The following CRLS1 variants were observed in gnomAD, a reference collection of about 807,000 sequenced individuals.
CRLS1 encodes the protein cardiolipin synthase 1.
Under a neutral mutation model 37.0 loss-of-function variants are expected in CRLS1, and 24 were observed. That is an observed-to-expected ratio of 0.65 (90% CI 0.47 to 0.91). The LOEUF (loss-of-function observed/expected upper bound fraction) is 0.91. CRLS1 is among the 40% of genes least tolerant of loss of function. The probability of loss-of-function intolerance (pLI) is 0.00; values close to 1 mark genes in which losing one functional copy is unlikely to be tolerated. For synonymous variants in CRLS1, 135 were observed against 159.7 expected, an observed-to-expected ratio of 0.85 and a Z score of 1.17; for missense variants, 373 against 395.8, an observed-to-expected ratio of 0.94 and a Z score of 0.49.
intron 6 of CRLS1, among the ~76,000 whole-genome samples, chr20:6,036,849 C>T (rs1445395212): frequency 6.6e-6 from 1 of 152,128 alleles, no homozygotes; most frequent in Non-Finnish European, 1.5e-5. Context: ...TTGTAGGGCT[C>T]ATTATCTAGA....
intron 5 of CRLS1, among the ~76,000 whole-genome samples, chr20:6,033,598 C>G (rs977887592): frequency 3.5e-4 from 53 of 152,244 alleles, no homozygotes; most frequent in African/African-American, 1.2e-3. Flanking sequence ...ATTTCTTGTT[C>G]TATTTTCTTT....
intron 3 of CRLS1, among the ~76,000 whole-genome samples, chr20:6,029,060 A>G (rs1187714936): frequency 6.6e-6 from 1 of 152,172 alleles, no homozygotes; most frequent in African/African-American, 2.4e-5. Flanking sequence ...AGTCACCCAG[A>G]GGAGAGCTTT....
At chr20:6,021,816 C>G (rs1420331967) in intron 3 of CRLS1, among the ~76,000 whole-genome samples, 1 of 152,064 alleles carries the variant, frequency 6.6e-6, no homozygotes, top group Non-Finnish European at 1.5e-5. Context: ...TTCTTTCACT[C>G]TACTAGTTTG....
chr20:6,026,568 AT>A (rs1260108662), intron 3 of CRLS1, among the ~76,000 whole-genome samples: 2 of 151,936 alleles, frequency 1.3e-5, no homozygotes, highest in Non-Finnish European at 2.9e-5. Flanking sequence ...TTCAGATTCT[AT>A]TTTTTGTTTG....
chr20:6,008,239 A>C (rs1171845799), intron 1 of CRLS1, among the ~76,000 whole-genome samples: 1 of 152,196 alleles, frequency 6.6e-6, no homozygotes, highest in Non-Finnish European at 1.5e-5. Flanking sequence ...ACTGATTAAG[A>C]AAGAGGTTAA....
chr20:6,013,371 GATTA>G, intron 2 of CRLS1, among the ~76,000 whole-genome samples: 1 of 152,014 alleles, frequency 6.6e-6, no homozygotes, highest in Middle Eastern at 3.4e-3. Context: ...TTAGTTAACT[GATTA>G]ATTAAATGAT....
chr20:6,016,011 A>G (rs1568619648), intron 3 of CRLS1: 1 of 156,786 alleles, frequency 6.4e-6, no homozygotes, highest in East Asian at 1.9e-4. Context: ...TTTGCTTTGT[A>G]TTTTGCATGT....
At chr20:6,035,348 G>A (rs1384497038) in intron 6 of CRLS1, among the ~76,000 whole-genome samples, 1 of 152,002 alleles carries the variant, frequency 6.6e-6, no homozygotes, top group Non-Finnish European at 1.5e-5. Flanking sequence ...TTCTTTCTCG[G>A]ATAAACTACA....
Position 6,006,417 on chromosome 20 carries a change from C to A in CRLS1, c.171C>A (p.Gly57=). ...ERWRLRPAAL[G]LRLPGIGQRN... ...GGAGGCTGCGTCCGGCCGCTCTTGG[C>A]TTGCGGCTGCCCGGGATCGGCCAGC... The change falls in exon 1 of 7, where the codon GGC becomes GGA. Residue 57 remains glycine (G), a synonymous_variant. Transcript: ENST00000378863. 1.4e-6 allele frequency: 2 copies of A among 1,410,544 alleles called. No individual in the cohort carries two copies. Among genetic ancestry groups the A allele is most frequent in the African/African-American group, 1.5e-5 (1 of 67,394 alleles). The allele number at this position is 1,410,544 out of a possible 1,614,324, so 87.4% of individuals were successfully genotyped here. A position where few individuals can be genotyped will look rare whatever the true frequency, so the allele number is the denominator to read the frequency against.
chr20:6,012,528 A>G (rs1978404871), intron 2 of CRLS1, among the ~76,000 whole-genome samples: 1 of 152,020 alleles, frequency 6.6e-6, no homozygotes, highest in African/African-American at 2.4e-5. Flanking sequence ...AATACTAGGG[A>G]CTTACTTTAA....
chr20:6,021,886 A>G (rs939889907), intron 3 of CRLS1, among the ~76,000 whole-genome samples: 5 of 152,202 alleles, frequency 3.3e-5, no homozygotes, highest in African/African-American at 1.2e-4. Flanking sequence ...TCTTTATAAA[A>G]ATATGATCTT....
At chr20:6,032,363 CTT>C (rs199513049) in intron 5 of CRLS1, among the ~76,000 whole-genome samples, 55 of 130,060 alleles carry the variant, frequency 4.2e-4, no homozygotes, top group Admixed American at 6.2e-4. Context: ...GTAATTGTTC[CTT>C]TTTTTTTTTT....
chr20:6,036,913 AT>A (rs1980594199), intron 6 of CRLS1, among the ~76,000 whole-genome samples, 160 bp from the exon 7 acceptor site: 1 of 152,210 alleles, frequency 6.6e-6, no homozygotes, highest in South Asian at 2.1e-4. Flanking sequence ...AAAGCAGTGT[AT>A]TTAGACTCTT....
chr20:6,007,298 A>C (rs2090071108), intron 1 of CRLS1: 1 of 1,573,916 alleles, frequency 6.4e-7, no homozygotes, highest in Admixed American at 1.9e-5. Flanking sequence ...CAGGGGTCTC[A>C]ACTCCACTGA....
intron 2 of CRLS1, among the ~76,000 whole-genome samples, chr20:6,011,558 T>TTCTTTTG (rs1210137753): frequency 6.9e-6 from 1 of 145,034 alleles, no homozygotes; most frequent in East Asian, 2.0e-4. Flanking sequence ...CTTTCTCCTT[T>TTCTTTTG]TCTTTTGTCC....
chr20:6,030,610 T>TGG (rs142155078), intron 3 of CRLS1, among the ~76,000 whole-genome samples: 12,455 of 151,672 alleles, frequency 0.082, 795 homozygotes, highest in African/African-American at 0.18. Flanking sequence ...CCCAGCTACT[T>TGG]GGGAGGGTGA....
intron 2 of CRLS1, among the ~76,000 whole-genome samples, chr20:6,013,351 A>T (rs1245535024): frequency 1.3e-5 from 2 of 151,592 alleles, no homozygotes; most frequent in Non-Finnish European, 2.9e-5. Flanking sequence ...TGCCCAGTGA[A>T]TTTTTGTTGT....
In CRLS1 at chr20:6,019,465, A is replaced by C. The variant is rs2030943705; in HGVS notation, c.574+3975A>C. On this transcript the variant is annotated intron_variant, in intron 3 of 6. Transcript: ENST00000378863. ...CTCTCATTAACCTTTTGATGTCTGT[A>C]GGATATGTAGTAATGTCCTCCTTTT... 8.0e-5 allele frequency among the ~76,000 whole-genome samples: 12 copies of C among 149,404 alleles called. No homozygotes were observed. In the South Asian group the frequency reaches 2.5e-3, roughly 32 times the overall value.
intron 1 of CRLS1, among the ~76,000 whole-genome samples, chr20:6,008,218 A>G (rs917963768): frequency 4.6e-5 from 7 of 151,740 alleles, no homozygotes; most frequent in Non-Finnish European, 7.4e-5. Context: ...GATTCAGGCA[A>G]GTTGGCTAGT....
Sources: gnomAD v4.1 joint callset for allele counts (sites outside exome capture counted in the v4.1 genomes callset) on GRCh38, gnomAD v4.1.1 for gene constraint, MANE v1.5 for transcripts, NCBI Gene and HGNC (gene_info 2026-07-23, HGNC 2026-07-21) for gene names.